SUSD5: variants seen among roughly 807,000 people sequenced by gnomAD.
SUSD5 encodes the protein sushi domain containing 5.
In SUSD5, 33 loss-of-function variants were observed where a neutral mutation model predicts 29.5. The observed-to-expected ratio is 1.12, with a 90% CI of 0.85 to 1.49. SUSD5 has a LOEUF of 1.49. SUSD5 is among the 40% of genes most tolerant of loss of function. The probability of loss-of-function intolerance (pLI) is 0.00; values close to 1 mark genes in which losing one functional copy is unlikely to be tolerated. For missense variants in SUSD5, 776 were observed against 800.6 expected, an observed-to-expected ratio of 0.97 and a Z score of 0.37; for synonymous variants, 308 against 325.3, an observed-to-expected ratio of 0.95 and a Z score of 0.57.
rs68055129 is a variant in SUSD5 at position 33,183,930 on chromosome 3, C to CTTTTTTTTTTTTTTTTTTTTTT, written c.410-8878_410-8857dup. 9.3e-4 allele frequency among the ~76,000 whole-genome samples: 58 copies of CTTTTTTTTTTTTTTTTTTTTTT among 62,592 alleles called. 4 individuals are homozygous for CTTTTTTTTTTTTTTTTTTTTTT. Among genetic ancestry groups the CTTTTTTTTTTTTTTTTTTTTTT allele is most frequent in the African/African-American group, 2.4e-3 (32 of 13,314 alleles). 41.1% of individuals were successfully genotyped at this position (62,592 alleles called of 152,430 possible). A position where few individuals can be genotyped will look rare whatever the true frequency, so the allele number is the denominator to read the frequency against. The stretch of plus-strand genomic sequence containing the variant: ...AACACTTTAAATATTTTATTACCCT[C>CTTTTTTTTTTTTTTTTTTTTTT]TTTTTTTTTTTTTTTTTTTTTTTTT... On this transcript the variant is annotated intron_variant, in intron 3 of 4. Coordinates refer to ENST00000309558, the MANE Select transcript of SUSD5 (RefSeq NM_015551.2).
At chr3:33,173,547 C>A (rs1180989076) in intron 4 of SUSD5, among the ~76,000 whole-genome samples, 1 of 152,230 alleles carries the variant, frequency 6.6e-6, no homozygotes, top group East Asian at 1.9e-4. Context: ...ACTATAGTAG[C>A]AGTGAAACCA....
chr3:33,194,822 T>C (rs2031964547), intron 3 of SUSD5, among the ~76,000 whole-genome samples: 1 of 152,216 alleles, frequency 6.6e-6, no homozygotes, highest in African/African-American at 2.4e-5. Flanking sequence ...GAGTAACAGC[T>C]TGATGAAAAT....
Position 33,151,265 on chromosome 3 carries a change from T to G in SUSD5, c.*1477A>C, listed in dbSNP as rs913257010. 4 of 152,168 alleles carry G rather than the reference T, an allele frequency of 2.6e-5. No homozygotes were observed. The highest frequency in any genetic ancestry group is 9.7e-5 in the African/African-American group (4 of 41,428). The allele number at this position is 152,168 out of a possible 1,614,324, so 9.4% of individuals were successfully genotyped here. ...AGGGTGGGACTAGAGAATTTGCATC[T>G]CCAACAAATTCCCAGGTGACGCTGA... On this transcript the variant is annotated 3_prime_UTR_variant, in exon 5 of 5. Coordinates refer to ENST00000309558, the MANE Select transcript of SUSD5 (RefSeq NM_015551.2).
At chr3:33,162,855 T>C (rs971413841) in intron 4 of SUSD5, among the ~76,000 whole-genome samples, 2 of 148,288 alleles carry the variant, frequency 1.3e-5, no homozygotes, top group Admixed American at 1.4e-4. Flanking sequence ...AGGCAGAGGC[T>C]GCGGTGACCT....
At chr3:33,154,975 G>A (rs1470810028) in intron 4 of SUSD5, among the ~76,000 whole-genome samples, 1 of 152,168 alleles carries the variant, frequency 6.6e-6, no homozygotes, top group Non-Finnish European at 1.5e-5. Flanking sequence ...TAGACAAGGC[G>A]ATATTGAAAA....
Position 33,199,294 on chromosome 3 carries a change from G to T in SUSD5, c.409+8514C>A, listed in dbSNP as rs898891177. ...TAAGTTGTTTTTTCTTTTTTTTTGAGACGGAGTCTCGCTCTGTTGCCCAGG... is the reference window on the plus strand; with the variant it reads ...TAAGTTGTTTTTTCTTTTTTTTTGATACGGAGTCTCGCTCTGTTGCCCAGG... On this transcript the variant is annotated intron_variant, in intron 3 of 4. Coordinates refer to ENST00000309558, the MANE Select transcript of SUSD5 (RefSeq NM_015551.2). Among the ~76,000 whole-genome samples the T allele has an allele frequency of 2.0e-5, 3 of 151,236 alleles. No individual in the cohort carries two copies. The East Asian group carries it at 5.8e-4, about 29-fold the overall frequency.
At chr3:33,174,243 C>T (rs530345005) in intron 4 of SUSD5, among the ~76,000 whole-genome samples, 2 of 152,288 alleles carry the variant, frequency 1.3e-5, no homozygotes, top group Admixed American at 1.3e-4. Context: ...TACAGCCGTC[C>T]TGGAGTTCGT....
chr3:33,203,729 T>C (rs972748456), intron 3 of SUSD5, among the ~76,000 whole-genome samples: 1 of 152,172 alleles, frequency 6.6e-6, no homozygotes, highest in African/African-American at 2.4e-5. Flanking sequence ...TCCGGACAGT[T>C]TGCTGCTGAG....
intron 4 of SUSD5, among the ~76,000 whole-genome samples, chr3:33,160,870 C>G (rs1423482903): frequency 6.6e-6 from 1 of 152,204 alleles, no homozygotes; most frequent in African/African-American, 2.4e-5. Context: ...CATAAATTGC[C>G]TACAGCCATA....
chr3:33,207,780 G>A, intron 3 of SUSD5, 28 bp downstream of exon 3: 1 of 1,511,656 alleles, frequency 6.6e-7, no homozygotes, highest in Non-Finnish European at 9.1e-7. Flanking sequence ...ACACCCTCCA[G>A]CACCTTTAAG....
At chr3:33,171,365 T>G (rs2031423841) in intron 4 of SUSD5, among the ~76,000 whole-genome samples, 1 of 151,700 alleles carries the variant, frequency 6.6e-6, no homozygotes, top group Non-Finnish European at 1.5e-5. Context: ...AAGGGTATTA[T>G]GGGCAAATTA....
chr3:33,161,708 A>C (rs955136863), intron 4 of SUSD5, among the ~76,000 whole-genome samples: 11 of 152,164 alleles, frequency 7.2e-5, no homozygotes, highest in African/African-American at 2.4e-4. Context: ...AGCAAAAAAG[A>C]CTTTAAGGCA....
At chr3:33,196,572 G>C (rs1022999870) in intron 3 of SUSD5, among the ~76,000 whole-genome samples, 1 of 152,114 alleles carries the variant, frequency 6.6e-6, no homozygotes, top group African/African-American at 2.4e-5. Context: ...TAGAGAGCAG[G>C]GGAAAGCACA....
At chr3:33,212,516 T>C (rs983199507) in intron 2 of SUSD5, among the ~76,000 whole-genome samples, 1 of 152,220 alleles carries the variant, frequency 6.6e-6, no homozygotes, top group African/African-American at 2.4e-5. Flanking sequence ...TGGCTAGTCT[T>C]GCGTATAATG....
At chr3:33,161,633 TTAAATA>T (rs1252724956) in intron 4 of SUSD5, among the ~76,000 whole-genome samples, 2 of 152,066 alleles carry the variant, frequency 1.3e-5, no homozygotes, top group Non-Finnish European at 2.9e-5. Flanking sequence ...GAGACACACT[TTAAATA>T]TAAGTACACA....
intron 2 of SUSD5, 149 bp from the exon 3 acceptor site, chr3:33,208,075 GC>G: frequency 1.7e-6 from 1 of 582,564 alleles, no homozygotes; most frequent in East Asian, 3.2e-5. Context: ...CACATTCTCT[GC>G]AAAAAAAAGG....
intron 3 of SUSD5, among the ~76,000 whole-genome samples, chr3:33,178,006 C>T (rs2031587577): frequency 6.6e-6 from 1 of 151,506 alleles, no homozygotes; most frequent in Admixed American, 6.5e-5. Flanking sequence ...CAGTACAATG[C>T]TGAAAAGCAG....
intron 1 of SUSD5, among the ~76,000 whole-genome samples, chr3:33,214,368 A>G (rs2032387479): frequency 1.4e-5 from 2 of 148,070 alleles, no homozygotes; most frequent in African/African-American, 2.5e-5. Flanking sequence ...CGATCTGGAA[A>G]AGCCCTTCAA....
At chr3:33,182,897 C>T (rs2031701281) in intron 3 of SUSD5, among the ~76,000 whole-genome samples, 3 of 152,068 alleles carry the variant, frequency 2.0e-5, no homozygotes, top group Admixed American at 2.0e-4. Context: ...TGCCATTCTC[C>T]TGCCTCAGCC....
Sources: gnomAD v4.1 joint callset for allele counts (sites outside exome capture counted in the v4.1 genomes callset) on GRCh38, gnomAD v4.1.1 for gene constraint, MANE v1.5 for transcripts, NCBI Gene and HGNC (gene_info 2026-07-23, HGNC 2026-07-21) for gene names.